CASP1: variants seen among roughly 807,000 people sequenced by gnomAD.
CASP1 encodes caspase-1.
Under a neutral mutation model 41.2 loss-of-function variants are expected in CASP1, and 31 were observed. The ratio of observed to expected loss-of-function variants is 0.75; its 90% CI spans 0.57 to 1.02. The LOEUF (loss-of-function observed/expected upper bound fraction) is 1.02. Ranked by LOEUF, CASP1 falls within the 50% of genes least tolerant of loss-of-function variation. CASP1 has a pLI of 0.00. For synonymous variants in CASP1, 163 were observed against 166.5 expected, an observed-to-expected ratio of 0.98 and a Z score of 0.16; for missense variants, 490 against 495.7, an observed-to-expected ratio of 0.99 and a Z score of 0.11.
At chr11:105,030,619 CCATACATTGAAA>C (rs1242843455) in intron 4 of CASP1, 116 bp from the exon 5 acceptor site, 1 of 809,912 alleles carries the variant, frequency 1.2e-6, no homozygotes, top group African/African-American at 1.7e-5. Flanking sequence ...ACCCCATGAA[CCATACATTGAAA>C]AGGGGGAACA....
Position 105,026,295 on chromosome 11 carries a change from G to A in CASP1, c.1178C>T (p.Thr393Ile). The change falls in exon 9 of 9, where the codon ACT (threonine) becomes ATT (isoleucine). Residue 393 changes from threonine to isoleucine, a missense_variant. Transcript: ENST00000533400. Reference protein sequence around the residue: ...RAQMPTTERVTLTRCFYLFPG... With the variant: ...RAQMPTTERVILTRCFYLFPG... Reference sequence around the variant, plus strand: ...GAAGAGGTAGAAACATCTTGTCAAAGTCACTCTTTCAGTGGTGGGCATCTG... The same window carrying A: ...GAAGAGGTAGAAACATCTTGTCAAAATCACTCTTTCAGTGGTGGGCATCTG... The A allele has an allele frequency of 6.2e-7, 1 of 1,611,542 alleles. No individual in the cohort carries two copies. The highest frequency in any genetic ancestry group is 8.5e-7 in the Non-Finnish European group (1 of 1,178,228).
At chr11:105,030,784 A>G (rs1038174089) in intron 4 of CASP1, 3 of 404,578 alleles carry the variant, frequency 7.4e-6, no homozygotes, top group African/African-American at 2.1e-5. Context: ...TCTAAAACTG[A>G]TTGTTCCAAT....
upstream of CASP1, among the ~76,000 whole-genome samples, chr11:105,036,304 G>A (rs183122664): frequency 3.7e-4 from 57 of 152,206 alleles, no homozygotes; most frequent in East Asian, 7.0e-3. Flanking sequence ...AACATATACG[G>A]ACGACATTGC....
intron 1 of CASP1, 122 bp from the exon 2 acceptor site, chr11:105,034,596 T>C: frequency 1.4e-6 from 2 of 1,465,104 alleles, no homozygotes; most frequent in South Asian, 2.6e-5. Context: ...CACAGTTGGG[T>C]AATCCCTCTT....
At chr11:105,031,099 T>A in intron 4 of CASP1, 66 bp downstream of exon 4, 1 of 887,020 alleles carries the variant, frequency 1.1e-6, no homozygotes, top group Non-Finnish European at 1.9e-6. Context: ...AATAAGCCAC[T>A]GCATTTCAGA....
At chr11:105,035,063 T>G in intron 1 of CASP1, 44 bp downstream of exon 1, 1 of 1,611,902 alleles carries the variant, frequency 6.2e-7, no homozygotes, top group Non-Finnish European at 8.5e-7. Flanking sequence ...CTTCCAAAAC[T>G]CTTTCTTCCC....
chr11:105,031,080 G>T (rs776971459), intron 4 of CASP1, 85 bp downstream of exon 4: 4 of 758,412 alleles, frequency 5.3e-6, no homozygotes, highest in African/African-American at 1.7e-5. Context: ...CAATGAGGTT[G>T]GCTCTAAGAA....
intron 2 of CASP1, among the ~76,000 whole-genome samples, chr11:105,033,412 T>G (rs1863816979): frequency 6.6e-6 from 1 of 152,204 alleles, no homozygotes; most frequent in African/African-American, 2.4e-5. Context: ...AACAGAAGGC[T>G]TTTGCTTTCA....
chr11:105,035,510 T>C (rs532591706), upstream of CASP1, among the ~76,000 whole-genome samples: 6 of 152,266 alleles, frequency 3.9e-5, no homozygotes, highest in East Asian at 5.8e-4. Context: ...TTGTGGGTAA[T>C]GTATGTCCCT....
chr11:105,034,187 G>C (rs781581288), intron 2 of CASP1, 21 bp downstream of exon 2: 4 of 1,613,938 alleles, frequency 2.5e-6, no homozygotes, highest in Non-Finnish European at 3.4e-6. Context: ...GTGAACTTGA[G>C]TGTAAGTCAC....
intron 4 of CASP1, 77 bp downstream of exon 4, chr11:105,031,088 G>C: frequency 1.2e-6 from 1 of 811,812 alleles, no homozygotes; most frequent in Non-Finnish European, 2.2e-6. Context: ...TTGGCTCTAA[G>C]AATAAGCCAC....
intron 1 of CASP1, 139 bp downstream of exon 1, chr11:105,034,968 C>T (rs1290196582): frequency 5.4e-6 from 6 of 1,108,254 alleles, no homozygotes; most frequent in African/African-American, 4.7e-5. Context: ...CTAGTTCCTT[C>T]TCTCCTCCCT....
In CASP1 at chr11:105,026,170, T is replaced by C; in HGVS notation, c.*88A>G. 1.2e-6 allele frequency: 1 copy of C among 813,330 alleles called. No individual in the cohort carries two copies. The highest frequency in any genetic ancestry group is 2.0e-6 in the Non-Finnish European group (1 of 492,766). The allele number at this position is 813,330 out of a possible 1,614,324, so 50.4% of individuals were successfully genotyped here. On this transcript the variant is annotated 3_prime_UTR_variant, in exon 9 of 9. Transcript: ENST00000533400. ...GTAAACCTAGAGTTCTTGACTCAAA[T>C]GGACTTTCAGTACCCTTTCCTCAAC...
In CASP1 at chr11:105,035,113, TG is replaced by T. The variant is rs1591208687; in HGVS notation, c.-1del. ...GGAACAGTAAAAGACTCACCGGCCA[TG>T]GCTTTTCTCTCCTCCCTTCTTGTGT... On this transcript the variant is annotated 5_prime_UTR_variant, in exon 1 of 9. Coordinates refer to ENST00000533400, the MANE Select transcript of CASP1 (RefSeq NM_001257118.3). 3.1e-6 allele frequency: 5 copies of T among 1,613,704 alleles called. No homozygotes were observed. In the East Asian group the frequency reaches 1.1e-4, roughly 36 times the overall value.
intron 7 of CASP1, among the ~76,000 whole-genome samples, chr11:105,027,490 TGAA>T (rs1863388109): frequency 1.3e-5 from 2 of 151,980 alleles, no homozygotes; most frequent in Non-Finnish European, 1.5e-5. Context: ...AAAGTTCTTA[TGAA>T]GAAGAGAAAT....
At position 105,030,498 on chromosome 11, in the gene CASP1, A is replaced by AT. The variant is rs780307078; in HGVS notation, c.458dup (p.Tyr153Ter). The AT allele has an allele frequency of 1.4e-5, 23 of 1,610,204 alleles. No homozygotes were observed. The highest frequency in any genetic ancestry group is 1.7e-4 in the Middle Eastern group (1 of 6,036). ...TGCGGCTTGACTTGTCCATTATTGG[A>AT]TAAATCTGTAGGAAATGCAATTTGA... is the stretch of plus-strand genomic sequence containing the variant. The part of the protein sequence containing the change: ...RIWKQKSAEI[Y>*]PIMDKSSRTR... Residue 153 changes from tyrosine (Y) to a stop codon, truncating the protein, a stop_gained and frameshift_variant, in exon 5 of 9, where the codon TAT becomes TAAT. Transcript: ENST00000533400. LOFTEE classifies it high-confidence loss of function.
chr11:105,025,833 A>G lies in CASP1; in HGVS notation c.*425T>C, dbSNP rs982116176. On this transcript the variant is annotated 3_prime_UTR_variant, in exon 9 of 9. Transcript: ENST00000533400. ...ATCAGATGAATCTCAAAAGGGGTCT[A>G]AATGAAAAACTTTGGGAGAAGAGCA... 3 of 233,478 alleles carry G rather than the reference A, an allele frequency of 1.3e-5. No homozygotes were observed. Among genetic ancestry groups the G allele is most frequent in the Non-Finnish European group, 2.6e-5 (3 of 117,026 alleles). 14.5% of individuals were successfully genotyped at this position (233,478 alleles called of 1,614,324 possible).
In CASP1 at chr11:105,031,212, A is replaced by T; in HGVS notation, c.406T>A (p.Cys136Ser). The change falls in exon 4 of 9, where the codon TGC becomes AGC. Residue 136 changes from cysteine (C) to serine (S), a missense_variant. Cys to Ser is a moderately radical substitution (Grantham distance 112, BLOSUM62 -1). Transcript: ENST00000533400. ...ATCCTTTGAGCTTCTTCTAGGGAGCAAAGCTTGACATTCCCTTCTGAGCCT... is the reference window on the plus strand; with the variant it reads ...ATCCTTTGAGCTTCTTCTAGGGAGCTAAGCTTGACATTCCCTTCTGAGCCT... ...SSGSEGNVKLCSLEEAQRIWK... is the reference protein window; with the variant it reads ...SSGSEGNVKLSSLEEAQRIWK... The T allele has an allele frequency of 1.2e-6, 2 of 1,613,032 alleles. No individual in the cohort carries two copies. Among genetic ancestry groups the T allele is most frequent in the Non-Finnish European group, 1.7e-6 (2 of 1,179,278 alleles).
intron 2 of CASP1, chr11:105,033,893 A>C: frequency 1.5e-6 from 1 of 661,104 alleles, no homozygotes; most frequent in Non-Finnish European, 2.8e-6. Flanking sequence ...ATCCACAGGT[A>C]AATATTTTGC....
Sources: gnomAD v4.1 joint callset for allele counts (sites outside exome capture counted in the v4.1 genomes callset) on GRCh38, gnomAD v4.1.1 for gene constraint, MANE v1.5 for transcripts, NCBI Gene and HGNC (gene_info 2026-07-23, HGNC 2026-07-21) for gene names.